PLS3: variants seen among roughly 807,000 people sequenced by gnomAD.
PLS3 encodes plastin-3.
In PLS3, 11 loss-of-function variants were observed where a neutral mutation model predicts 46.5. The observed-to-expected ratio is 0.24, with a 90% confidence interval of 0.15 to 0.39. PLS3 has a LOEUF of 0.39. Ranked by LOEUF, PLS3 falls within the 10% of genes least tolerant of loss-of-function variation. The probability of loss-of-function intolerance (pLI) is 1.00; values close to 1 mark genes in which losing one functional copy is unlikely to be tolerated. For missense variants in PLS3, 308 were observed against 461.8 expected, an observed-to-expected ratio of 0.67 and a Z score of 3.05; for synonymous variants, 167 against 162.2, an observed-to-expected ratio of 1.03 and a Z score of -0.22.
intron 5 of PLS3, among the ~76,000 whole-genome samples, chrX:115,632,956 G>A (rs2074792913): frequency 1.8e-5 from 2 of 110,050 alleles, no homozygotes; most frequent in East Asian, 2.9e-4. Flanking sequence ...GGCTAGACTT[G>A]AACTCTTGAG....
rs369587334 is a variant in PLS3, at chrX:115,575,466, C to T, written c.-9+14206C>T. On this transcript the variant is annotated intron_variant, in intron 1 of 15. Transcript: ENST00000355899. ...TTTTGTTATTTTTTGTTCCTTGAGA[C>T]GGAGTCTGGCTCTGCTGCCCAGGCT... Among the ~76,000 whole-genome samples the T allele has an allele frequency of 5.8e-4, 64 of 111,000 alleles. 1 individual carries two copies. In the East Asian group the frequency reaches 0.011, roughly 19 times the overall value.
intron 10 of PLS3, 104 bp downstream of exon 10, chrX:115,643,612 A>G: frequency 2.1e-6 from 1 of 465,198 alleles, no homozygotes; most frequent in Non-Finnish European, 3.7e-6. Flanking sequence ...TATATCTACA[A>G]GAAGTAGATG....
chrX:115,598,515 C>A (rs782215860), intron 1 of PLS3, among the ~76,000 whole-genome samples: 1 of 111,335 alleles, frequency 9.0e-6, no homozygotes, highest in Admixed American at 9.6e-5. Flanking sequence ...TGCATATAGC[C>A]TCTTAAGCCT....
intron 9 of PLS3, among the ~76,000 whole-genome samples, chrX:115,642,501 C>G (rs1042056507): frequency 2.7e-5 from 3 of 111,286 alleles, no homozygotes; most frequent in African/African-American, 9.8e-5. Context: ...GCACAACTTC[C>G]TCTCTCTCTA....
intron 8 of PLS3, among the ~76,000 whole-genome samples, chrX:115,638,196 C>T (rs919304873): frequency 1.8e-4 from 20 of 110,944 alleles, no homozygotes; most frequent in Non-Finnish European, 2.8e-4. Flanking sequence ...CTGCAACCTC[C>T]GCCTCCCAGG....
chrX:115,584,881 T>A (rs1439680150), intron 1 of PLS3, among the ~76,000 whole-genome samples: 1 of 112,085 alleles, frequency 8.9e-6, no homozygotes, highest in Non-Finnish European at 1.9e-5. Flanking sequence ...TGTCCTGAAG[T>A]GAAATAAGAT....
intron 1 of PLS3, among the ~76,000 whole-genome samples, chrX:115,567,123 C>G (rs781800035): frequency 7.1e-5 from 8 of 111,935 alleles, no homozygotes; most frequent in Non-Finnish European, 1.1e-4. Flanking sequence ...AGTCCATTGG[C>G]TTACCATACC....
chrX:115,646,649 T>C lies in PLS3; in HGVS notation c.1511+114T>C, dbSNP rs782681101. 18 of 640,379 alleles carry C rather than the reference T, an allele frequency of 2.8e-5. No homozygotes were observed. In the South Asian group the frequency reaches 4.3e-4, roughly 15 times the overall value. 52.8% of individuals were successfully genotyped at this position (640,379 alleles called of 1,213,427 possible). On this transcript the variant is annotated intron_variant, in intron 13 of 15. Transcript: ENST00000355899. The stretch of plus-strand genomic sequence containing the variant: ...ATAACTACACTTTTGAAATATGTTA[T>C]ATTTACACTCCGAAATGAGTTTAAT...
intron 1 of PLS3, among the ~76,000 whole-genome samples, chrX:115,593,939 C>T (rs919854072): frequency 1.8e-5 from 2 of 109,425 alleles, no homozygotes; most frequent in Non-Finnish European, 3.8e-5. Flanking sequence ...ATTATACAGC[C>T]GTATTTATCA....
chrX:115,590,471 G>A (rs993472682), intron 1 of PLS3, among the ~76,000 whole-genome samples: 3 of 111,234 alleles, frequency 2.7e-5, no homozygotes. Context: ...CGGATGGTGA[G>A]TGAGATAGAA....
intron 5 of PLS3, among the ~76,000 whole-genome samples, chrX:115,630,506 C>T (rs943475781): frequency 3.7e-5 from 4 of 108,721 alleles, no homozygotes; most frequent in Non-Finnish European, 7.6e-5. Flanking sequence ...TCCTGCCACT[C>T]TGAAGCGGTA....
At chrX:115,641,319 C>T (rs1556640975) in intron 9 of PLS3, among the ~76,000 whole-genome samples, 1 of 104,046 alleles carries the variant, frequency 9.6e-6, no homozygotes, top group Non-Finnish European at 2.0e-5. Flanking sequence ...CCTCCATCTC[C>T]TGGGTTCAAG....
At chrX:115,572,033 C>A (rs782332216) in intron 1 of PLS3, among the ~76,000 whole-genome samples, 1 of 111,875 alleles carries the variant, frequency 8.9e-6, no homozygotes, top group Non-Finnish European at 1.9e-5. Flanking sequence ...TATATTTTGT[C>A]CTGTGGTAAT....
chrX:115,625,814 G>A (rs191306082), intron 3 of PLS3, among the ~76,000 whole-genome samples: 76 of 111,774 alleles, frequency 6.8e-4, no homozygotes, highest in African/African-American at 2.4e-3. Flanking sequence ...CACTCGTCCT[G>A]TGTTGAGCTA....
chrX:115,620,854 C>T (rs1294185087), intron 2 of PLS3, among the ~76,000 whole-genome samples: 2 of 106,069 alleles, frequency 1.9e-5, no homozygotes, highest in Non-Finnish European at 3.9e-5. Context: ...CCACCATACC[C>T]AGCTAATTTT....
At position 115,629,586 on chromosome X, in the gene PLS3, T is replaced by A. The variant is rs782525270; in HGVS notation, c.368-249T>A. Among the ~76,000 whole-genome samples, 14 of 111,891 alleles carry A rather than the reference T, an allele frequency of 1.3e-4. No homozygotes were observed. The East Asian group carries it at 3.9e-3, about 31-fold the overall frequency. On this transcript the variant is annotated intron_variant, in intron 4 of 15. Transcript: ENST00000355899. Reference sequence around the variant, plus strand: ...TATTACAGTGCATTATACAGTAATATAAATATAATTTTTAAGGAATTTTGT... The same window carrying A: ...TATTACAGTGCATTATACAGTAATAAAAATATAATTTTTAAGGAATTTTGT...
chrX:115,646,328 A>G, intron 12 of PLS3, 74 bp from the exon 13 acceptor site: 1 of 1,068,103 alleles, frequency 9.4e-7, no homozygotes, highest in Non-Finnish European at 1.3e-6. Flanking sequence ...ACCTAGCATT[A>G]TACAAGACAC....
Position 115,647,637 on chromosome X carries a change from T to A in PLS3, c.1599T>A (p.Ser533Arg). The A allele has an allele frequency of 8.3e-7, 1 of 1,206,684 alleles. No individual in the cohort carries two copies. The highest frequency in any genetic ancestry group is 1.1e-6 in the Non-Finnish European group (1 of 891,262). Reference protein sequence around the residue: ...IIVNWVNRTLSEAGKSTSIQS... With the variant: ...IIVNWVNRTLREAGKSTSIQS... ...TGAACTGGGTGAACAGAACGTTGAG[T>A]GAAGCTGGAAAATCAACTTCCATTC... Residue 533 changes from serine (S) to arginine (R), a missense_variant, in exon 14 of 16, where the codon AGT becomes AGA. Physicochemically the swap from Ser to Arg is moderately radical, Grantham distance 110. Transcript: ENST00000355899.
chrX:115,569,106 T>G (rs1556630430), intron 1 of PLS3, among the ~76,000 whole-genome samples: 1 of 110,864 alleles, frequency 9.0e-6, no homozygotes, highest in Admixed American at 9.7e-5. Flanking sequence ...GTATCATATG[T>G]GACTCTAAAC....
Sources: allele counts gnomAD v4.1 joint callset (sites outside exome capture counted in the v4.1 genomes callset), GRCh38; gene constraint gnomAD v4.1.1; transcripts MANE v1.5; gene names NCBI Gene and HGNC (gene_info 2026-07-23, HGNC 2026-07-21).